Variants in PRTN3 observed in about 807,000 individuals in gnomAD.
PRTN3 encodes the protein myeloblastin.
A neutral mutation model predicts 20.7 loss-of-function variants in PRTN3; 22 were observed. The observed-to-expected ratio is 1.06, with a 90% CI of 0.76 to 1.52. The LOEUF (loss-of-function observed/expected upper bound fraction) is 1.52. Ranked by LOEUF, PRTN3 falls within the 40% of genes most tolerant of loss-of-function variation. PRTN3 has a pLI of 0.00. For missense variants in PRTN3, 378 were observed against 359.6 expected, an observed-to-expected ratio of 1.05 and a Z score of -0.41; for synonymous variants, 173 against 152.9, an observed-to-expected ratio of 1.13 and a Z score of -0.97.
rs1301736316 is a variant in PRTN3 at position 844,503 on chromosome 19, GCCTCTCCCCTGCCTGCC to G, written c.369+486_369+502del. On this transcript the variant is annotated intron_variant, in intron 3 of 4. Coordinates refer to ENST00000234347, the MANE Select transcript of PRTN3 (RefSeq NM_002777.4). The stretch of plus-strand genomic sequence containing the variant: ...CCCCGCCCGCGCCTCTCCCCTGCGC[GCCTCTCCCCTGCCTGCC>G]CCTCTCCCCTGCCTGCGCCTCCGCC... 3.7e-4 allele frequency among the ~76,000 whole-genome samples: 33 copies of G among 90,362 alleles called. No individual in the cohort carries two copies. In the South Asian group the frequency reaches 5.3e-3, roughly 14 times the overall value. 59.3% of individuals were successfully genotyped at this position (90,362 alleles called of 152,430 possible). A position where few individuals can be genotyped will look rare whatever the true frequency, so the allele number is the denominator to read the frequency against.
chr19:841,514 G>A (rs4310992), intron 1 of PRTN3, among the ~76,000 whole-genome samples: 5 of 121,000 alleles, frequency 4.1e-5, no homozygotes, highest in Admixed American at 1.9e-4. Context: ...ATGAGTGAAC[G>A]AATGAATGAG....
rs200198205 is a variant in PRTN3, at chr19:846,366, G to A, written c.589G>A (p.Gly197Ser). Reference protein sequence around the residue: ...ICTFVPRRKAGICFGDSGGPL... With the variant: ...ICTFVPRRKASICFGDSGGPL... ...CACTTTCGTCCCTCGCCGCAAGGCC[G>A]GCATCTGCTTCGTAAGTAACCGTGC... The change falls in exon 4 of 5, where the codon GGC becomes AGC. Residue 197 changes from glycine to serine, a missense_variant. By Grantham distance (56) the Gly-to-Ser change is moderately conservative. Coordinates refer to ENST00000234347, the MANE Select transcript of PRTN3 (RefSeq NM_002777.4). 2.6e-6 allele frequency: 4 copies of A among 1,555,008 alleles called. No individual in the cohort carries two copies. The highest frequency in any genetic ancestry group is 1.4e-5 in the African/African-American group (1 of 72,942).
At position 847,910 on chromosome 19, in the gene PRTN3, C is replaced by T. The variant is rs754743511; in HGVS notation, c.712C>T (p.Leu238Phe). Residue 238 changes from leucine (L) to phenylalanine (F), a missense_variant, in exon 5 of 5, where the codon CTC becomes TTC. Transcript: ENST00000234347. ...CCCTGACTTCTTCACGCGGGTAGCC[C>T]TCTACGTGGACTGGATCCGTTCCAC... Reference protein sequence around the residue: ...LFPDFFTRVALYVDWIRSTLR... With the variant: ...LFPDFFTRVAFYVDWIRSTLR... 2 of 1,608,172 alleles carry T rather than the reference C, an allele frequency of 1.2e-6. No homozygotes were observed. The highest frequency in any genetic ancestry group is 1.3e-5 in the African/African-American group (1 of 74,886).
At position 844,034 on chromosome 19, in the gene PRTN3, G is replaced by A. The variant is rs775579285; in HGVS notation, c.369G>A (p.Gln123=). 6.2e-7 allele frequency: 1 copy of A among 1,601,990 alleles called. No individual in the cohort carries two copies. The highest frequency in any genetic ancestry group is 8.5e-7 in the Non-Finnish European group (1 of 1,174,630). The change falls in exon 3 of 5, where the codon CAG becomes CAA. Residue 123 remains glutamine, a splice_region_variant and synonymous_variant. Coordinates refer to ENST00000234347, the MANE Select transcript of PRTN3 (RefSeq NM_002777.4). ...ENKLNDVLLI[Q]LSSPANLSAS... Reference sequence around the variant, plus strand: ...AACTGAACGACGTTCTCCTCATCCAGGTGGGCGGGCAGGGCCGCGAGGGCT... The same window carrying A: ...AACTGAACGACGTTCTCCTCATCCAAGTGGGCGGGCAGGGCCGCGAGGGCT...
intron 3 of PRTN3, among the ~76,000 whole-genome samples, 154 bp downstream of exon 3, chr19:844,188 C>A (rs1020409979): frequency 1.3e-5 from 2 of 148,194 alleles, no homozygotes; most frequent in African/African-American, 5.0e-5. Context: ...CCGGGGGAGA[C>A]CGCTCCTTGG....
rs1429623496 is a variant in PRTN3, at chr19:844,000, C to T, written c.335C>T (p.Ala112Val). The change falls in exon 3 of 5, where the codon GCG (alanine) becomes GTG (valine). Residue 112 changes from alanine to valine, a missense_variant. By Grantham distance (64) the Ala-to-Val change is moderately conservative (BLOSUM62 0). Transcript: ENST00000234347. ...VAQVFLNNYD[A>V]ENKLNDVLLI... is the part of the protein sequence containing the mutation. Reference sequence around the variant, plus strand: ...CAGGTGTTTCTGAACAACTACGACGCGGAGAACAAACTGAACGACGTTCTC... The same window carrying T: ...CAGGTGTTTCTGAACAACTACGACGTGGAGAACAAACTGAACGACGTTCTC... The T allele has an allele frequency of 8.1e-6, 13 of 1,607,190 alleles. No homozygotes were observed. The Admixed American group carries it at 2.2e-4, about 27-fold the overall frequency.
At chr19:843,793 G>A (rs2035477325) in intron 2 of PRTN3, 100 bp from the exon 3 acceptor site, 2 of 1,459,444 alleles carry the variant, frequency 1.4e-6, no homozygotes, top group Admixed American at 2.6e-5. Flanking sequence ...CAGGGTCGCC[G>A]AGGGAGGGGT....
At chr19:842,818 C>T (rs2035463234) in intron 1 of PRTN3, among the ~76,000 whole-genome samples, 2 of 152,062 alleles carry the variant, frequency 1.3e-5, no homozygotes, top group Non-Finnish European at 2.9e-5. Flanking sequence ...CATCTCTTGA[C>T]CTCAGGTGAT....
At position 846,287 on chromosome 19, in the gene PRTN3, G is replaced by T. The variant is rs1388984887; in HGVS notation, c.510G>T (p.Leu170=). Residue 170 remains leucine (L), a synonymous_variant, in exon 4 of 5, where the codon CTG becomes CTT. Transcript: ENST00000234347. ...VGAHDPPAQV[L]QELNVTVVTF... Reference sequence around the variant, plus strand: ...CCCACGACCCCCCAGCCCAGGTCCTGCAGGAGCTCAATGTCACCGTGGTCA... The same window carrying T: ...CCCACGACCCCCCAGCCCAGGTCCTTCAGGAGCTCAATGTCACCGTGGTCA... The T allele has an allele frequency of 2.5e-6, 4 of 1,591,844 alleles. No homozygotes were observed. The highest frequency in any genetic ancestry group is 3.4e-6 in the Non-Finnish European group (4 of 1,169,806).
chr19:843,880 C>T lies in PRTN3; in HGVS notation c.228-13C>T, dbSNP rs758248971. The T allele has an allele frequency of 3.8e-6, 6 of 1,578,694 alleles. No homozygotes were observed. Among genetic ancestry groups the T allele is most frequent in the Middle Eastern group, 1.9e-4 (1 of 5,208 alleles). ...GTCCAGGGCGCCGAGGAGTGACCAC[C>T]CCACCCCCGCAGACCCCAGCGCCTG... On this transcript the variant is annotated splice_polypyrimidine_tract_variant and intron_variant, in intron 2 of 4. Transcript: ENST00000234347.
chr19:843,476 C>T lies in PRTN3; in HGVS notation c.77C>T (p.Ala26Val), dbSNP rs1351751294. The T allele has an allele frequency of 1.9e-6, 3 of 1,573,664 alleles. No individual in the cohort carries two copies. The highest frequency in any genetic ancestry group is 2.6e-6 in the Non-Finnish European group (3 of 1,164,256). The change falls in exon 2 of 5, where the codon GCG (alanine) becomes GTG (valine). Residue 26 changes from alanine (A) to valine (V), a missense_variant. Ala to Val is a moderately conservative substitution (Grantham distance 64, BLOSUM62 0). Coordinates refer to ENST00000234347, the MANE Select transcript of PRTN3 (RefSeq NM_002777.4). ...ALLLSGAARA[A>V]EIVGGHEAQP... ...CCCCCTGCAGGTGCTGCCCGAGCTG[C>T]GGAGATCGTGGGCGGGCACGAGGCG...
chr19:846,542 T>TG (rs150066760), intron 4 of PRTN3, among the ~76,000 whole-genome samples, 165 bp downstream of exon 4: 3,892 of 152,032 alleles, frequency 0.026, 178 homozygotes, highest in African/African-American at 0.089. Context: ...CTCAGCGGGG[T>TG]GGGGGCGCTC....
In PRTN3 at chr19:846,171, G is replaced by A; in HGVS notation, c.394G>A (p.Ala132Thr). Residue 132 changes from alanine to threonine, a missense_variant, in exon 4 of 5, where the codon GCC becomes ACC. Coordinates refer to ENST00000234347, the MANE Select transcript of PRTN3 (RefSeq NM_002777.4). ...GCTGAGCAGCCCAGCCAACCTCAGT[G>A]CCTCCGTCGCCACAGTCCAGCTGCC... ...IQLSSPANLS[A>T]SVATVQLPQQ... 1 of 1,481,418 alleles carries A rather than the reference G, an allele frequency of 6.8e-7. No individual in the cohort carries two copies. The highest frequency in any genetic ancestry group is 9.0e-7 in the Non-Finnish European group (1 of 1,112,722). The allele number at this position is 1,481,418 out of a possible 1,614,324, so 91.8% of individuals were successfully genotyped here. A position where few individuals can be genotyped will look rare whatever the true frequency, so the allele number is the denominator to read the frequency against.
Position 844,035 on chromosome 19 carries a change from G to A in PRTN3, c.369+1G>A. ...ACTGAACGACGTTCTCCTCATCCAGGTGGGCGGGCAGGGCCGCGAGGGCTC... is the reference window on the plus strand; with the variant it reads ...ACTGAACGACGTTCTCCTCATCCAGATGGGCGGGCAGGGCCGCGAGGGCTC... On this transcript the variant is annotated splice_donor_variant, in intron 3 of 4. Transcript: ENST00000234347. LOFTEE classifies it high-confidence loss of function. The A allele has an allele frequency of 1.9e-6, 3 of 1,602,012 alleles. No homozygotes were observed. The highest frequency in any genetic ancestry group is 2.6e-6 in the Non-Finnish European group (3 of 1,174,650).
chr19:843,680 C>A, intron 2 of PRTN3, 54 bp downstream of exon 2: 1 of 1,526,308 alleles, frequency 6.6e-7, no homozygotes, highest in South Asian at 1.2e-5. Context: ...TTCCTCCAGC[C>A]CTGGCCCGGC....
In PRTN3 at chr19:846,217, C is replaced by A; in HGVS notation, c.440C>A (p.Pro147His). ...VQLPQQDQPV[P>H]HGTQCLAMGW... ...CTGCCACAGCAGGACCAGCCAGTGC[C>A]CCACGGCACCCAGTGCCTGGCCATG... Residue 147 changes from proline to histidine, a missense_variant, in exon 4 of 5, where the codon CCC becomes CAC. By Grantham distance (77) the Pro-to-His change is moderately conservative (BLOSUM62 -2). Transcript: ENST00000234347. 6.5e-7 allele frequency: 1 copy of A among 1,546,722 alleles called. No homozygotes were observed. Among genetic ancestry groups the A allele is most frequent in the South Asian group, 1.2e-5 (1 of 83,762 alleles).
intron 1 of PRTN3, among the ~76,000 whole-genome samples, chr19:842,049 G>A (rs1446444133): frequency 1.3e-5 from 2 of 151,028 alleles, no homozygotes; most frequent in African/African-American, 2.4e-5. Flanking sequence ...TTTTTGAAAC[G>A]GAATCTTGCT....
In PRTN3 at chr19:841,007, C is replaced by T. The variant is rs1417614518; in HGVS notation, c.-2C>T. On this transcript the variant is annotated 5_prime_UTR_variant, in exon 1 of 5. Coordinates refer to ENST00000234347, the MANE Select transcript of PRTN3 (RefSeq NM_002777.4). ...GACCGTGGGTGCACCCTGGACCCCA[C>T]CATGGCTCACCGGCCCCCCAGCCCT... is the stretch of plus-strand genomic sequence containing the variant. The T allele has an allele frequency of 1.9e-6, 3 of 1,609,304 alleles. No homozygotes were observed. The highest frequency in any genetic ancestry group is 2.5e-6 in the Non-Finnish European group (3 of 1,179,610).
In PRTN3 at chr19:843,495, C is replaced by G. The variant is rs757348118; in HGVS notation, c.96C>G (p.His32Gln). The stretch of plus-strand genomic sequence containing the variant: ...GAGCTGCGGAGATCGTGGGCGGGCA[C>G]GAGGCGCAGCCACACTCCCGGCCCT... ...AARAAEIVGG[H>Q]EAQPHSRPYM... is the part of the protein sequence containing the mutation. Residue 32 changes from histidine (H) to glutamine (Q), a missense_variant, in exon 2 of 5, where the codon CAC becomes CAG. Coordinates refer to ENST00000234347, the MANE Select transcript of PRTN3 (RefSeq NM_002777.4). The G allele has an allele frequency of 5.7e-6, 9 of 1,581,782 alleles. 1 individual carries two copies. The Middle Eastern group carries it at 1.0e-3, about 175-fold the overall frequency.
Sources: gnomAD v4.1 joint callset for allele counts (sites outside exome capture counted in the v4.1 genomes callset) on GRCh38, gnomAD v4.1.1 for gene constraint, MANE v1.5 for transcripts, NCBI Gene and HGNC (gene_info 2026-07-23, HGNC 2026-07-21) for gene names.